CDH7: variants seen among roughly 807,000 people sequenced by gnomAD.
CDH7 encodes cadherin-7.
CDH7 carries 25 observed loss-of-function variants against 71.8 expected under a neutral mutation model. That is an observed-to-expected ratio of 0.35 (90% CI 0.25 to 0.49). CDH7 has a LOEUF of 0.49. Among genes scored for constraint, CDH7 ranks in the 20% least tolerant of loss-of-function variants. The pLI is 0.99. For synonymous variants in CDH7, 381 were observed against 363.8 expected (o/e 1.05, Z -0.54); for missense variants, 862 against 974.6 (o/e 0.88, Z 1.54).
intron 2 of CDH7, among the ~76,000 whole-genome samples, chr18:65,782,020 C>CTCTCTT (rs1910281618): frequency 4.3e-5 from 2 of 46,770 alleles, no homozygotes; most frequent in Non-Finnish European, 7.1e-5. Flanking sequence ...CTTTCTCTCT[C>CTCTCTT]TCTTTCTCCC....
At chr18:65,761,482 A>G (rs1267383146) in intron 1 of CDH7, among the ~76,000 whole-genome samples, 2 of 151,304 alleles carry the variant, frequency 1.3e-5, no homozygotes, top group African/African-American at 2.4e-5. Context: ...CTGCCTTAAT[A>G]GGAGACATCT....
chr18:65,873,109 TAA>T (rs1459106897), intron 11 of CDH7, among the ~76,000 whole-genome samples: 4 of 152,192 alleles, frequency 2.6e-5, no homozygotes, highest in African/African-American at 9.6e-5. Flanking sequence ...TTTGGAAGGC[TAA>T]GTTATACTTG....
chr18:65,778,271 CAAAAAAAAAAAAAA>C lies in CDH7; in HGVS notation c.210+15236_210+15249del, dbSNP rs148841669. Among the ~76,000 whole-genome samples the C allele has an allele frequency of 1.1e-4, 9 of 84,344 alleles. No homozygotes were observed. In the East Asian group the frequency reaches 2.9e-3, roughly 27 times the overall value. 55.3% of individuals were successfully genotyped at this position (84,344 alleles called of 152,430 possible). A position where few individuals can be genotyped will look rare whatever the true frequency, so the allele number is the denominator to read the frequency against. On this transcript the variant is annotated intron_variant, in intron 2 of 11. Coordinates refer to ENST00000397968, the MANE Select transcript of CDH7 (RefSeq NM_004361.5). Reference sequence around the variant, plus strand: ...TGGGTGACAGCATGAGACTCTGTCTCAAAAAAAAAAAAAAAAAAAAAAAAAAAAAACCTAGTGCC... The same window carrying C: ...TGGGTGACAGCATGAGACTCTGTCTCAAAAAAAAAAAAAAAACCTAGTGCC...
At chr18:65,755,971 A>C (rs781581946) in intron 1 of CDH7, among the ~76,000 whole-genome samples, 7 of 152,130 alleles carry the variant, frequency 4.6e-5, no homozygotes, top group South Asian at 2.1e-4. Flanking sequence ...ACTATACAAA[A>C]CAAACAAAAA....
Position 65,862,656 on chromosome 18 carries a change from G to C in CDH7, c.1613-10G>C, listed in dbSNP as rs776405842. 5 of 1,611,992 alleles carry C rather than the reference G, an allele frequency of 3.1e-6. No individual in the cohort carries two copies. In the African/African-American group the frequency reaches 5.3e-5, roughly 17 times the overall value. ...AATCTGGTGTTATACATTTGCTTTC[G>C]TTATCCTAGACAACACAGCCTCAAT... On this transcript the variant is annotated splice_polypyrimidine_tract_variant and intron_variant, in intron 10 of 11. Transcript: ENST00000397968.
chr18:65,866,315 C>CAAAAAAAAAAAAAA (rs1568228989), intron 11 of CDH7: 4 of 1,358 alleles, frequency 2.9e-3, no homozygotes, highest in Non-Finnish European at 5.2e-3. Flanking sequence ...AAAAAAAAAA[C>CAAAAAAAAAAAAAA]AAAAAAAAAA....
At chr18:65,880,346 C>T (rs576817520) in intron 11 of CDH7, 55 bp from the exon 12 acceptor site, 31 of 1,500,470 alleles carry the variant, frequency 2.1e-5, no homozygotes, top group Middle Eastern at 3.6e-4. Flanking sequence ...TTTACCATGA[C>T]GTGGGGCAAT....
In CDH7 at chr18:65,888,132, ATC is replaced by A. The variant is rs1477292413; in HGVS notation, c.*7240_*7241del. ...ATTATTTTCGTTCAGCTCAAGTGCTATCTTTCAGGCAAATAGACTCCTACAAT... is the reference window on the plus strand; with the variant it reads ...ATTATTTTCGTTCAGCTCAAGTGCTATTTCAGGCAAATAGACTCCTACAAT... On this transcript the variant is annotated 3_prime_UTR_variant, in exon 12 of 12. Coordinates refer to ENST00000397968, the MANE Select transcript of CDH7 (RefSeq NM_004361.5). The A allele has an allele frequency of 6.6e-6, 1 of 152,188 alleles. No homozygotes were observed. The highest frequency in any genetic ancestry group is 1.5e-5 in the Non-Finnish European group (1 of 68,012). The allele number at this position is 152,188 out of a possible 1,614,324, so 9.4% of individuals were successfully genotyped here. A position where few individuals can be genotyped will look rare whatever the true frequency, so the allele number is the denominator to read the frequency against.
intron 6 of CDH7, among the ~76,000 whole-genome samples, chr18:65,841,262 T>C (rs1226882120): frequency 6.6e-6 from 1 of 152,154 alleles, no homozygotes; most frequent in Non-Finnish European, 1.5e-5. Flanking sequence ...TGTTGCTCCT[T>C]TTAGATACAT....
At chr18:65,792,274 A>C (rs1255044789) in intron 2 of CDH7, among the ~76,000 whole-genome samples, 1 of 150,008 alleles carries the variant, frequency 6.7e-6, no homozygotes, top group Non-Finnish European at 1.5e-5. Context: ...AAAAGGACAA[A>C]GGAGGGTTTT....
At chr18:65,826,931 A>G (rs1445865938) in intron 6 of CDH7, among the ~76,000 whole-genome samples, 3 of 151,586 alleles carry the variant, frequency 2.0e-5, no homozygotes, top group Non-Finnish European at 3.0e-5. Context: ...AAAACGTAAT[A>G]TTCTATTTAA....
At position 65,881,936 on chromosome 18, in the gene CDH7, C is replaced by T. The variant is rs1243369495; in HGVS notation, c.*1042C>T. 3 of 152,100 alleles carry T rather than the reference C, an allele frequency of 2.0e-5. No individual in the cohort carries two copies. The highest frequency in any genetic ancestry group is 7.2e-5 in the African/African-American group (3 of 41,418). The allele number at this position is 152,100 out of a possible 1,614,324, so 9.4% of individuals were successfully genotyped here. Reference sequence around the variant, plus strand: ...CTTCTGAGCCATTAGAATGTCAAAACATTGGAATAAAATATTTGTATTTTA... The same window carrying T: ...CTTCTGAGCCATTAGAATGTCAAAATATTGGAATAAAATATTTGTATTTTA... On this transcript the variant is annotated 3_prime_UTR_variant, in exon 12 of 12. Coordinates refer to ENST00000397968, the MANE Select transcript of CDH7 (RefSeq NM_004361.5).
At chr18:65,831,515 T>C (rs1490713683) in intron 6 of CDH7, among the ~76,000 whole-genome samples, 1 of 152,190 alleles carries the variant, frequency 6.6e-6, no homozygotes, top group Non-Finnish European at 1.5e-5. Flanking sequence ...ATCAAGGAAG[T>C]CTTGTTCTTA....
chr18:65,815,624 C>T (rs1911696806), intron 4 of CDH7, among the ~76,000 whole-genome samples: 1 of 152,128 alleles, frequency 6.6e-6, no homozygotes, highest in Admixed American at 6.5e-5. Context: ...TTAGCTCATT[C>T]ATTACAGCTT....
chr18:65,813,925 A>G (rs956581107), intron 3 of CDH7, among the ~76,000 whole-genome samples: 1 of 152,090 alleles, frequency 6.6e-6, no homozygotes, highest in African/African-American at 2.4e-5. Flanking sequence ...TTTTAGATCA[A>G]TTGGCAGAGA....
intron 11 of CDH7, among the ~76,000 whole-genome samples, chr18:65,871,745 T>C (rs1311431063): frequency 6.6e-6 from 1 of 152,182 alleles, no homozygotes; most frequent in African/African-American, 2.4e-5. Context: ...AAAGTTGTTA[T>C]CAGTAAAGGA....
intron 2 of CDH7, among the ~76,000 whole-genome samples, chr18:65,778,862 T>C (rs1343888584): frequency 6.6e-6 from 1 of 152,090 alleles, no homozygotes; most frequent in African/African-American, 2.4e-5. Flanking sequence ...GTTCAACTAA[T>C]GGTTTTTATT....
chr18:65,787,522 C>T (rs1910560383), intron 2 of CDH7, among the ~76,000 whole-genome samples: 1 of 152,202 alleles, frequency 6.6e-6, no homozygotes, highest in Admixed American at 6.5e-5. Flanking sequence ...AATTCTTCAT[C>T]TAAATTTCAG....
Position 65,888,937 on chromosome 18 carries a change from C to T in CDH7, c.*8043C>T, listed in dbSNP as rs930196380. ...ATTGGACTTTCCAATCTTAATTATGCTTTAGTTCCCTTACCAGGATTAGGA... is the reference window on the plus strand; with the variant it reads ...ATTGGACTTTCCAATCTTAATTATGTTTTAGTTCCCTTACCAGGATTAGGA... On this transcript the variant is annotated 3_prime_UTR_variant, in exon 12 of 12. Transcript: ENST00000397968. 17 of 152,124 alleles carry T rather than the reference C, an allele frequency of 1.1e-4. No homozygotes were observed. The highest frequency in any genetic ancestry group is 4.1e-4 in the African/African-American group (17 of 41,434). 9.4% of individuals were successfully genotyped at this position (152,124 alleles called of 1,614,324 possible). A position where few individuals can be genotyped will look rare whatever the true frequency, so the allele number is the denominator to read the frequency against.
Sources: allele counts gnomAD v4.1 joint callset (sites outside exome capture counted in the v4.1 genomes callset), GRCh38; gene constraint gnomAD v4.1.1; transcripts MANE v1.5; gene names NCBI Gene and HGNC (gene_info 2026-07-23, HGNC 2026-07-21).